Variants in LRRIQ3 observed in about 807,000 individuals in gnomAD.
The protein encoded by LRRIQ3 is leucine rich repeats and IQ motif containing 3.
LRRIQ3 carries 75 observed loss-of-function variants against 59.3 expected under a neutral mutation model. The ratio of observed to expected loss-of-function variants is 1.26; its 90% CI spans 1.05 to 1.53. The LOEUF is 1.53. Among genes scored for constraint, LRRIQ3 ranks in the 40% most tolerant of loss-of-function variants. The probability of loss-of-function intolerance (pLI) is 0.00; values close to 1 mark genes in which losing one functional copy is unlikely to be tolerated. For synonymous variants in LRRIQ3, 250 were observed against 231.3 expected (o/e 1.08, Z -0.73); for missense variants, 831 against 710.0 (o/e 1.17, Z -1.94).
intron 3 of LRRIQ3, among the ~76,000 whole-genome samples, chr1:74,156,506 A>T (rs1471811505): frequency 2.6e-5 from 4 of 152,160 alleles, no homozygotes; most frequent in African/African-American, 9.7e-5. Flanking sequence ...ATTCTTGATG[A>T]TAACTTTTTC....
intron 4 of LRRIQ3, among the ~76,000 whole-genome samples, chr1:74,126,711 A>T (rs1272116746): frequency 6.6e-6 from 1 of 151,812 alleles, no homozygotes; most frequent in East Asian, 1.9e-4. Context: ...ATCAGAGGAG[A>T]CACTTGATAT....
intron 6 of LRRIQ3, among the ~76,000 whole-genome samples, chr1:74,067,123 T>C (rs942311429): frequency 2.0e-5 from 3 of 152,114 alleles, no homozygotes; most frequent in African/African-American, 7.2e-5. Flanking sequence ...TCCTAAAAAA[T>C]GACAACTGAA....
At chr1:74,166,110 T>C (rs902175790) in intron 3 of LRRIQ3, among the ~76,000 whole-genome samples, 10 of 151,788 alleles carry the variant, frequency 6.6e-5, no homozygotes, top group South Asian at 2.1e-4. Flanking sequence ...ATTTTTATTT[T>C]TTGGAATATA....
chr1:74,112,860 G>A (rs910331030), intron 4 of LRRIQ3, among the ~76,000 whole-genome samples: 8 of 151,956 alleles, frequency 5.3e-5, no homozygotes, highest in African/African-American at 1.5e-4. Flanking sequence ...ACAGTATCCC[G>A]GATTGTTACG....
chr1:74,041,068 A>T, intron 7 of LRRIQ3, 145 bp downstream of exon 7: 1 of 666,952 alleles, frequency 1.5e-6, no homozygotes, highest in Non-Finnish European at 2.4e-6. Flanking sequence ...ATATATTAGT[A>T]TATTATTTGT....
At chr1:74,145,637 AC>A (rs1025696917) in intron 4 of LRRIQ3, among the ~76,000 whole-genome samples, 11 of 152,158 alleles carry the variant, frequency 7.2e-5, no homozygotes, top group African/African-American at 2.7e-4. Flanking sequence ...TCACAAGTAT[AC>A]TAGGCCTACA....
chr1:74,165,063 T>C (rs1394779286), intron 3 of LRRIQ3, among the ~76,000 whole-genome samples: 6 of 151,540 alleles, frequency 4.0e-5, no homozygotes, highest in Admixed American at 3.3e-4. Flanking sequence ...TTGATTACGA[T>C]AGCTACACGT....
chr1:74,056,019 C>T (rs1038517920), intron 6 of LRRIQ3, among the ~76,000 whole-genome samples: 12 of 151,510 alleles, frequency 7.9e-5, no homozygotes, highest in Admixed American at 3.3e-4. Flanking sequence ...GTGGTGGGTG[C>T]CTGTAGTCCC....
chr1:74,184,909 T>G (rs1039340235), intron 1 of LRRIQ3, among the ~76,000 whole-genome samples: 1 of 152,194 alleles, frequency 6.6e-6, no homozygotes, highest in Admixed American at 6.5e-5. Flanking sequence ...ACTTCCAAAA[T>G]AGAAAAGATA....
At chr1:74,138,689 C>T (rs1647170377) in intron 4 of LRRIQ3, among the ~76,000 whole-genome samples, 1 of 151,894 alleles carries the variant, frequency 6.6e-6, no homozygotes, top group Non-Finnish European at 1.5e-5. Flanking sequence ...GAACATGTTG[C>T]AAGTTATACT....
intron 4 of LRRIQ3, among the ~76,000 whole-genome samples, chr1:74,127,934 GT>G (rs1646959864): frequency 1.3e-5 from 2 of 151,772 alleles, no homozygotes. Context: ...CTCAGTTTTT[GT>G]TTGTATGGAA....
intron 3 of LRRIQ3, among the ~76,000 whole-genome samples, chr1:74,170,383 G>T (rs1365485873): frequency 6.6e-6 from 1 of 152,026 alleles, no homozygotes; most frequent in Non-Finnish European, 1.5e-5. Flanking sequence ...TTTTTGATAT[G>T]GATATCCAGT....
At chr1:74,195,913 G>A (rs540303221) in intron 1 of LRRIQ3, among the ~76,000 whole-genome samples, 116 of 152,048 alleles carry the variant, frequency 7.6e-4, no homozygotes, top group Non-Finnish European at 1.4e-3. Context: ...TAGTGAATAT[G>A]AACTTAAATA....
rs535760186 is a variant in LRRIQ3, at chr1:74,074,218, T to C, written c.997+443A>G. 1.4e-3 allele frequency among the ~76,000 whole-genome samples: 218 copies of C among 152,236 alleles called. 1 individual carries two copies. Among genetic ancestry groups the C allele is most frequent in the Middle Eastern group, 0.014 (4 of 294 alleles). On this transcript the variant is annotated intron_variant, in intron 6 of 7. Coordinates refer to ENST00000354431, the MANE Select transcript of LRRIQ3 (RefSeq NM_001105659.2). ...GATATCCATAAAGTAACCTTCTGAA[T>C]ATGTATATTTAGAAAATGTTGAATA...
At chr1:74,064,616 C>T (rs1654818833) in intron 6 of LRRIQ3, among the ~76,000 whole-genome samples, 1 of 152,010 alleles carries the variant, frequency 6.6e-6, no homozygotes, top group South Asian at 2.1e-4. Flanking sequence ...TATCTCTCAG[C>T]TTTCATATAT....
intron 4 of LRRIQ3, among the ~76,000 whole-genome samples, chr1:74,119,378 T>A (rs1646820620): frequency 1.3e-5 from 2 of 152,200 alleles, no homozygotes; most frequent in African/African-American, 4.8e-5. Context: ...CTTTGTCCAT[T>A]TTTTTCTGAC....
chr1:74,101,737 G>T (rs551332379), intron 5 of LRRIQ3, among the ~76,000 whole-genome samples: 3,294 of 152,106 alleles, frequency 0.022, 116 homozygotes, highest in African/African-American at 0.075. Flanking sequence ...CCATAAAAAA[G>T]GATGAGTTCA....
At chr1:74,179,420 T>C (rs1248927144) in intron 3 of LRRIQ3, among the ~76,000 whole-genome samples, 1 of 151,996 alleles carries the variant, frequency 6.6e-6, no homozygotes, top group Non-Finnish European at 1.5e-5. Context: ...GAGCATATGC[T>C]TCTTTAATTT....
intron 7 of LRRIQ3, among the ~76,000 whole-genome samples, chr1:74,027,302 A>C (rs532895790): frequency 1.3e-5 from 2 of 152,240 alleles, no homozygotes; most frequent in South Asian, 4.1e-4. Context: ...TATGGTCTGA[A>C]TGCATTCCAC....
Sources: allele counts gnomAD v4.1 joint callset (sites outside exome capture counted in the v4.1 genomes callset), GRCh38; gene constraint gnomAD v4.1.1; transcripts MANE v1.5; gene names NCBI Gene and HGNC (gene_info 2026-07-23, HGNC 2026-07-21).